Variants in DCDC2 observed in about 807,000 individuals in gnomAD.
DCDC2 encodes doublecortin domain containing 2, also known as doublecortin domain-containing protein 2.
DCDC2 carries 40 observed loss-of-function variants against 50.2 expected under a neutral mutation model. The observed-to-expected ratio is 0.80, with a 90% CI of 0.62 to 1.04. The LOEUF (loss-of-function observed/expected upper bound fraction) is 1.04. Among genes scored for constraint, DCDC2 ranks in the 50% least tolerant of loss-of-function variants. The pLI is 0.00. For synonymous variants in DCDC2, 234 were observed against 210.6 expected (o/e 1.11, Z -0.96); for missense variants, 570 against 581.9 (o/e 0.98, Z 0.21).
chr6:24,329,359 A>G (rs1759928467), intron 2 of DCDC2, among the ~76,000 whole-genome samples: 1 of 152,212 alleles, frequency 6.6e-6, no homozygotes. Flanking sequence ...GTAAGTATCA[A>G]TATTAAGAAG....
intron 2 of DCDC2, among the ~76,000 whole-genome samples, chr6:24,330,656 A>C (rs879334595): frequency 1.3e-5 from 2 of 152,212 alleles, no homozygotes; most frequent in Non-Finnish European, 2.9e-5. Flanking sequence ...GTATGTTCAC[A>C]CAGGATCCCA....
intron 8 of DCDC2, among the ~76,000 whole-genome samples, chr6:24,200,518 A>G (rs1014191547): frequency 1.3e-5 from 2 of 152,226 alleles, no homozygotes; most frequent in African/African-American, 4.8e-5. Flanking sequence ...AGCACTAAAT[A>G]TGGGAAAGAA....
At chr6:24,261,195 A>G (rs921474305) in intron 7 of DCDC2, among the ~76,000 whole-genome samples, 2 of 107,810 alleles carry the variant, frequency 1.9e-5, no homozygotes, top group East Asian at 6.8e-4. Context: ...TTTTAAATCC[A>G]TTTTCTTGCT....
At chr6:24,208,419 G>A (rs1051029184) in intron 7 of DCDC2, among the ~76,000 whole-genome samples, 9 of 135,558 alleles carry the variant, frequency 6.6e-5, no homozygotes, top group African/African-American at 2.2e-4. Context: ...TGCCCAGGCT[G>A]GAGTGCAGTG....
chr6:24,249,256 C>T lies in DCDC2; in HGVS notation c.922+28793G>A, dbSNP rs146476798. Among the ~76,000 whole-genome samples the T allele has an allele frequency of 2.4e-3, 372 of 152,244 alleles. 2 individuals are homozygous for T. The highest frequency in any genetic ancestry group is 8.6e-3 in the African/African-American group (357 of 41,542). On this transcript the variant is annotated intron_variant, in intron 7 of 9. Transcript: ENST00000378454. ...TACTTCCATAATTAAAAATATACTA[C>T]AATCATAGCTCTGTGGAGATGGGTT...
chr6:24,221,859 C>A (rs1184671078), intron 7 of DCDC2, among the ~76,000 whole-genome samples: 3 of 152,314 alleles, frequency 2.0e-5, no homozygotes, highest in South Asian at 4.1e-4. Context: ...ATCTACAGAA[C>A]CTTGGAGGAA....
chr6:24,215,935 TGAA>T (rs988100477), intron 7 of DCDC2, among the ~76,000 whole-genome samples: 1 of 152,144 alleles, frequency 6.6e-6, no homozygotes, highest in Non-Finnish European at 1.5e-5. Flanking sequence ...ACAGAAGAGC[TGAA>T]GAAGGACTCT....
intron 1 of DCDC2, among the ~76,000 whole-genome samples, chr6:24,355,798 G>C (rs1001430900): frequency 6.6e-6 from 1 of 151,992 alleles, no homozygotes; most frequent in Non-Finnish European, 1.5e-5. Context: ...AAGTATAATA[G>C]AATACCTAGA....
chr6:24,242,283 A>T (rs1762578150), intron 7 of DCDC2, among the ~76,000 whole-genome samples: 1 of 152,180 alleles, frequency 6.6e-6, no homozygotes, highest in Admixed American at 6.5e-5. Context: ...ACAGGTCATC[A>T]GGGCCCTTTG....
intron 7 of DCDC2, among the ~76,000 whole-genome samples, chr6:24,260,872 C>G (rs898115733): frequency 6.6e-6 from 1 of 152,180 alleles, no homozygotes; most frequent in African/African-American, 2.4e-5. Flanking sequence ...CTTCTTGACT[C>G]CCAGAACAAT....
intron 7 of DCDC2, among the ~76,000 whole-genome samples, chr6:24,231,717 T>G (rs555852607): frequency 6.6e-6 from 1 of 151,546 alleles, no homozygotes; most frequent in Admixed American, 6.6e-5. Flanking sequence ...AAAACAGAAC[T>G]GTAATTATTT....
At chr6:24,372,594 T>C in the DCDC2 span, among the ~76,000 whole-genome samples, 1 of 152,072 alleles carries the variant, frequency 6.6e-6, no homozygotes. Context: ...CCATAAAAAA[T>C]GATGAGTTCA....
At chr6:24,196,242 ACT>A (rs1003803265) in intron 8 of DCDC2, among the ~76,000 whole-genome samples, 1 of 148,338 alleles carries the variant, frequency 6.7e-6, no homozygotes, top group Non-Finnish European at 1.5e-5. Context: ...TTTATGCAAT[ACT>A]CTCTCCTCAG....
At chr6:24,277,915 T>C (rs1763394960) in intron 7 of DCDC2, 134 bp downstream of exon 7, 4 of 730,656 alleles carry the variant, frequency 5.5e-6, no homozygotes, top group Non-Finnish European at 8.6e-6. Flanking sequence ...GCATCTCTCA[T>C]ATACAAATAC....
Position 24,234,934 on chromosome 6 carries a change from A to T in DCDC2, c.923-29832T>A. On this transcript the variant is annotated intron_variant, in intron 7 of 9. Coordinates refer to ENST00000378454, the MANE Select transcript of DCDC2 (RefSeq NM_016356.5). ...CAGATTATGGGAGGATAGAAATGAT[A>T]ACAAATAAATACTTAATAACAAAAT... Among the ~76,000 whole-genome samples, 2 of 152,200 alleles carry T rather than the reference A, an allele frequency of 1.3e-5. 1 individual carries two copies. The highest frequency in any genetic ancestry group is 2.9e-5 in the Non-Finnish European group (2 of 68,046).
intron 8 of DCDC2, among the ~76,000 whole-genome samples, chr6:24,197,254 T>G (rs1201787285): frequency 6.6e-6 from 1 of 152,210 alleles, no homozygotes; most frequent in Non-Finnish European, 1.5e-5. Context: ...TTATCAGAGA[T>G]CAATTTTCCC....
intron 8 of DCDC2, among the ~76,000 whole-genome samples, chr6:24,185,706 CACACACACACACACACACACAT>C (rs1393698825): frequency 1.8e-5 from 2 of 112,252 alleles, no homozygotes; most frequent in African/African-American, 6.1e-5. Context: ...CACACACACA[CACACACACACACACACACACAT>C]ATACACACAG....
chr6:24,277,846 A>G (rs558189567), intron 7 of DCDC2, among the ~76,000 whole-genome samples: 5 of 152,370 alleles, frequency 3.3e-5, no homozygotes, highest in South Asian at 2.1e-4. Flanking sequence ...TGATCTCAAA[A>G]TAAGTGTCCT....
intron 7 of DCDC2, among the ~76,000 whole-genome samples, chr6:24,247,361 A>C (rs984398357): frequency 6.6e-6 from 1 of 151,898 alleles, no homozygotes; most frequent in Non-Finnish European, 1.5e-5. Flanking sequence ...AATCACAGCA[A>C]ATACCCATAA....
Sources: allele counts gnomAD v4.1 joint callset (sites outside exome capture counted in the v4.1 genomes callset), GRCh38; gene constraint gnomAD v4.1.1; transcripts MANE v1.5; gene names NCBI Gene and HGNC (gene_info 2026-07-23, HGNC 2026-07-21).